MTRR: variants seen among roughly 807,000 people sequenced by gnomAD.
MTRR encodes the protein 5-methyltetrahydrofolate-homocysteine methyltransferase reductase, also known as methionine synthase reductase.
MTRR carries 63 observed loss-of-function variants against 79.2 expected under a neutral mutation model. The observed-to-expected ratio is 0.80, with a 90% CI of 0.65 to 0.98. The LOEUF is 0.98. Among genes scored for constraint, MTRR ranks in the 50% least tolerant of loss-of-function variants. MTRR has a pLI of 0.00. For synonymous variants in MTRR, 355 were observed against 313.3 expected (o/e 1.13, Z -1.41); for missense variants, 895 against 839.6 (o/e 1.07, Z -0.82).
upstream of MTRR, chr5:7,869,030 G>A (rs1357229679): frequency 7.2e-7 from 1 of 1,382,692 alleles, no homozygotes. Context: ...CCTGGGCGTC[G>A]TGGGCCTCCG....
intron 4 of MTRR, among the ~76,000 whole-genome samples, chr5:7,876,334 T>C (rs186336832): frequency 1.3e-5 from 2 of 152,306 alleles, no homozygotes; most frequent in Admixed American, 1.3e-4. Context: ...ATTGAGCTTT[T>C]TTCTTTTGCC....
Position 7,878,132 on chromosome 5 carries a change from A to G in MTRR, c.590A>G (p.Asp197Gly). ...IESQVELLRFDDSGRKDSEVL... is the reference protein window; with the variant it reads ...IESQVELLRFGDSGRKDSEVL... ...TCTCAAGTCGAGCTTCTGAGATTCG[A>G]TGATTCAGGAAGAAAGGATTCTGAG... Residue 197 changes from aspartate to glycine, a missense_variant, in exon 5 of 15, where the codon GAT becomes GGT. Transcript: ENST00000440940. 1.2e-6 allele frequency: 2 copies of G among 1,614,128 alleles called. No individual in the cohort carries two copies. Among genetic ancestry groups the G allele is most frequent in the Non-Finnish European group, 1.7e-6 (2 of 1,180,042 alleles).
chr5:7,886,591 C>G (rs1197312573), intron 7 of MTRR, 24 bp from the exon 8 acceptor site: 2 of 1,540,514 alleles, frequency 1.3e-6, no homozygotes, highest in Non-Finnish European at 1.8e-6. Context: ...GTCATGAACC[C>G]CTTTCCCGTC....
At chr5:7,856,873 A>G (rs1251015360) in intron 1 of MTRR, 2 of 151,808 alleles carry the variant, frequency 1.3e-5, no homozygotes, top group Non-Finnish European at 2.9e-5. Context: ...CATTCCTCAC[A>G]TAGAGGAAGG....
At chr5:7,890,402 CAG>C (rs1225508668) in intron 9 of MTRR, 1 of 985,274 alleles carries the variant, frequency 1.0e-6, no homozygotes, top group African/African-American at 1.7e-5. Flanking sequence ...AATAGGATGA[CAG>C]AACACAGGGT....
intron 8 of MTRR, among the ~76,000 whole-genome samples, chr5:7,888,551 A>G (rs1202221621): frequency 6.6e-6 from 1 of 152,204 alleles, no homozygotes; most frequent in Non-Finnish European, 1.5e-5. Context: ...GTTAGTGTCC[A>G]GGTATTTTAG....
chr5:7,855,994 T>C (rs569651567), intron 1 of MTRR, among the ~76,000 whole-genome samples: 58 of 152,016 alleles, frequency 3.8e-4, no homozygotes, highest in Non-Finnish European at 6.6e-4. Flanking sequence ...GAGTCAAACA[T>C]AGGACTAGAC....
In MTRR at chr5:7,886,656, C is replaced by CA. The variant is rs1215231225; in HGVS notation, c.1100dup (p.Phe368ValfsTer8). On this transcript the variant is annotated frameshift_variant, in exon 8 of 15. Coordinates refer to ENST00000440940, the MANE Select transcript of MTRR (RefSeq NM_002454.3). LOFTEE classifies it high-confidence loss of function. ...GCATATACCTGCGGGATGTTCTCTC[C>CA]AGTTCATTTTTACCTGGTGTCTTGA... is the stretch of plus-strand genomic sequence containing the variant. 6.2e-7 allele frequency: 1 copy of CA among 1,614,010 alleles called. No homozygotes were observed.
upstream of MTRR, chr5:7,867,290 G>C: frequency 6.2e-7 from 1 of 1,613,614 alleles, no homozygotes; most frequent in South Asian, 1.1e-5. Flanking sequence ...TTCAGTACAT[G>C]CCTGCAAGAT....
chr5:7,862,911 A>G (rs1219864500), intron 2 of MTRR: 19 of 1,614,002 alleles, frequency 1.2e-5, no homozygotes, highest in African/African-American at 4.0e-5. Context: ...TCACATATCT[A>G]TAAAGCTGAG....
At chr5:7,867,317 A>G (rs1579561326), upstream of MTRR, 2 of 1,613,960 alleles carry the variant, frequency 1.2e-6, no homozygotes, top group East Asian at 4.5e-5. Context: ...AAGGGCCACA[A>G]TATCCTCCGG....
At chr5:7,864,608 T>C (rs554304721), upstream of MTRR, among the ~76,000 whole-genome samples, 2 of 152,146 alleles carry the variant, frequency 1.3e-5, no homozygotes, top group African/African-American at 4.8e-5. Context: ...TCAAAAGAAA[T>C]GTAAATGGCC....
upstream of MTRR, among the ~76,000 whole-genome samples, chr5:7,864,702 T>C (rs983055398): frequency 6.6e-6 from 1 of 152,186 alleles, no homozygotes. Context: ...CTCTTTCATG[T>C]AGTTGAGTAA....
chr5:7,886,577 C>A, intron 7 of MTRR, 38 bp from the exon 8 acceptor site: 1 of 1,437,760 alleles, frequency 7.0e-7, no homozygotes, highest in Non-Finnish European at 9.8e-7. Context: ...TCTTCATCTT[C>A]TATGTCATGA....
chr5:7,870,847 T>C lies in MTRR; in HGVS notation c.53T>C (p.Ile18Thr), dbSNP rs1303591627. ...ACACAGCAGGGACAGGCAAAGGCCA[T>C]CGCAGAAGAAATATGTGAGCAAGCT... The part of the protein sequence containing the change: ...YATQQGQAKA[I>T]AEEICEQAVV... The change falls in exon 2 of 15, where the codon ATC becomes ACC. Residue 18 changes from isoleucine (I) to threonine (T), a missense_variant. Physicochemically the swap from Ile to Thr is moderately conservative, Grantham distance 89. Transcript: ENST00000440940. 1 of 1,614,130 alleles carries C rather than the reference T, an allele frequency of 6.2e-7. No homozygotes were observed. The highest frequency in any genetic ancestry group is 8.5e-7 in the Non-Finnish European group (1 of 1,180,042).
At position 7,896,931 on chromosome 5, in the gene MTRR, C is replaced by T. The variant is rs949973580; in HGVS notation, c.1744C>T (p.His582Tyr). The change falls in exon 13 of 15, where the codon CAT (histidine) becomes TAT (tyrosine). Residue 582 changes from histidine (H) to tyrosine (Y), a missense_variant. Physicochemically the swap from His to Tyr is moderately conservative, Grantham distance 83. Transcript: ENST00000440940. Reference protein sequence around the residue: ...GAMWLFFGCRHKDRDYLFRKE... With the variant: ...GAMWLFFGCRYKDRDYLFRKE... ...AATGTGGTTGTTTTTTGGCTGCAGG[C>T]ATAAGGATAGGGATTATCTATTCAG... The T allele has an allele frequency of 1.2e-6, 2 of 1,613,940 alleles. No individual in the cohort carries two copies. The highest frequency in any genetic ancestry group is 8.5e-7 in the Non-Finnish European group (1 of 1,179,984).
chr5:7,852,740 GT>G (rs34596253), intron 1 of MTRR, among the ~76,000 whole-genome samples: 73,675 of 148,714 alleles, frequency 0.5, 18,433 homozygotes, highest in Admixed American at 0.59. Context: ...AGCCAAATAT[GT>G]TTTTTTTTTT....
intron 2 of MTRR, chr5:7,862,930 G>A: frequency 6.2e-7 from 1 of 1,614,020 alleles, no homozygotes; most frequent in Non-Finnish European, 8.5e-7. Context: ...AGAATCCACA[G>A]GGGTCTCCAG....
At chr5:7,857,164 C>T (rs1746270063) in intron 1 of MTRR, among the ~76,000 whole-genome samples, 1 of 152,074 alleles carries the variant, frequency 6.6e-6, no homozygotes, top group African/African-American at 2.4e-5. Flanking sequence ...CTTTGCTTTA[C>T]TTTTGAAAAC....
Sources: gnomAD v4.1 joint callset for allele counts (sites outside exome capture counted in the v4.1 genomes callset) on GRCh38, gnomAD v4.1.1 for gene constraint, MANE v1.5 for transcripts, NCBI Gene and HGNC (gene_info 2026-07-23, HGNC 2026-07-21) for gene names.